The following ARHGAP15 variants were observed in gnomAD, a reference collection of about 807,000 sequenced individuals.
ARHGAP15 encodes the protein Rho GTPase activating protein 15, also known as rho GTPase-activating protein 15.
ARHGAP15 carries 51 observed loss-of-function variants against 63.7 expected under a neutral mutation model. The observed-to-expected ratio is 0.80, with a 90% CI of 0.64 to 1.01. The LOEUF (loss-of-function observed/expected upper bound fraction) is 1.01. Among genes scored for constraint, ARHGAP15 ranks in the 50% least tolerant of loss-of-function variants. The pLI, the probability that ARHGAP15 is intolerant of heterozygous loss-of-function variation, is 0.00. For missense variants in ARHGAP15, 560 were observed against 564.6 expected (o/e 0.99, Z 0.08); for synonymous variants, 191 against 193.8 (o/e 0.99, Z 0.12).
intron 6 of ARHGAP15, among the ~76,000 whole-genome samples, chr2:143,426,142 T>C (rs1340643212): frequency 3.9e-5 from 6 of 152,138 alleles, no homozygotes; most frequent in Non-Finnish European, 8.8e-5. Flanking sequence ...ACTAGTGTAG[T>C]ACAGAGGGGC....
chr2:143,260,745 C>A (rs989291312), intron 6 of ARHGAP15, among the ~76,000 whole-genome samples: 1 of 152,070 alleles, frequency 6.6e-6, no homozygotes, highest in African/African-American at 2.4e-5. Context: ...CCCTTTGTTA[C>A]TAGCTATTTC....
At chr2:143,188,052 G>A (rs1331663249) in intron 2 of ARHGAP15, among the ~76,000 whole-genome samples, 1 of 151,800 alleles carries the variant, frequency 6.6e-6, no homozygotes, top group Non-Finnish European at 1.5e-5. Context: ...TTGTTTTTTT[G>A]TTGTTTCTTT....
chr2:143,168,337 C>T (rs1690631060), intron 2 of ARHGAP15, among the ~76,000 whole-genome samples: 2 of 151,918 alleles, frequency 1.3e-5, no homozygotes, highest in Admixed American at 6.6e-5. Flanking sequence ...ACCATCAATC[C>T]TGGCTGTTTT....
intron 13 of ARHGAP15, among the ~76,000 whole-genome samples, chr2:143,730,583 C>T (rs543488107): frequency 2.0e-5 from 3 of 152,190 alleles, no homozygotes; most frequent in Non-Finnish European, 4.4e-5. Context: ...TCTCGAAACC[C>T]ACCAAATAAC....
chr2:143,709,996 C>T (rs1326601123), intron 13 of ARHGAP15, among the ~76,000 whole-genome samples: 6 of 152,176 alleles, frequency 3.9e-5, no homozygotes, highest in South Asian at 4.1e-4. Context: ...CTTTTGAGCA[C>T]GTTATGTTTT....
intron 1 of ARHGAP15, among the ~76,000 whole-genome samples, chr2:143,153,515 A>G (rs1689918605): frequency 6.6e-6 from 1 of 151,994 alleles, no homozygotes; most frequent in South Asian, 2.1e-4. Flanking sequence ...ACTTTTCTAT[A>G]AACATCTTCG....
chr2:143,739,226 C>G lies in ARHGAP15; in HGVS notation c.1245-28763C>G, dbSNP rs538550582. 3.9e-5 allele frequency among the ~76,000 whole-genome samples: 6 copies of G among 152,168 alleles called. No homozygotes were observed. The South Asian group carries it at 1.2e-3, about 32-fold the overall frequency. ...TTGGAAGACCAGAAAAAGACAGCAG[C>G]CTTAGAAGAAGATGATAGCAAAAAC... On this transcript the variant is annotated intron_variant, in intron 13 of 13. Coordinates refer to ENST00000295095, the MANE Select transcript of ARHGAP15 (RefSeq NM_018460.4).
intron 6 of ARHGAP15, among the ~76,000 whole-genome samples, chr2:143,319,420 C>A (rs1336584402): frequency 6.6e-6 from 1 of 151,990 alleles, no homozygotes; most frequent in Non-Finnish European, 1.5e-5. Context: ...TGAGGTTTCA[C>A]CATGTTAGCC....
At chr2:143,348,443 C>T (rs1685399176) in intron 6 of ARHGAP15, among the ~76,000 whole-genome samples, 1 of 151,922 alleles carries the variant, frequency 6.6e-6, no homozygotes, top group South Asian at 2.1e-4. Context: ...TGAAAAATTG[C>T]ACTTGCCTAT....
At chr2:143,129,972 A>C (rs774829613) in intron 1 of ARHGAP15, among the ~76,000 whole-genome samples, 1 of 152,180 alleles carries the variant, frequency 6.6e-6, no homozygotes, top group Non-Finnish European at 1.5e-5. Context: ...CTAATTAAAA[A>C]GCAAGGAGCT....
intron 12 of ARHGAP15, among the ~76,000 whole-genome samples, chr2:143,653,886 G>A (rs770450514): frequency 3.3e-5 from 5 of 152,186 alleles, no homozygotes; most frequent in Non-Finnish European, 7.3e-5. Flanking sequence ...ATGAATTAGT[G>A]TAGTCACTTC....
chr2:143,313,531 C>A (rs957455877), intron 6 of ARHGAP15, among the ~76,000 whole-genome samples: 2 of 152,118 alleles, frequency 1.3e-5, no homozygotes, highest in Non-Finnish European at 2.9e-5. Flanking sequence ...CAATTTCCCC[C>A]ATAAAAACCA....
At chr2:143,610,829 A>G (rs936172019) in intron 11 of ARHGAP15, among the ~76,000 whole-genome samples, 7 of 151,974 alleles carry the variant, frequency 4.6e-5, no homozygotes, top group African/African-American at 1.7e-4. Flanking sequence ...CCTGGATTCA[A>G]GCAATTCTCC....
chr2:143,252,150 A>G (rs1053082285), intron 6 of ARHGAP15, among the ~76,000 whole-genome samples: 5 of 152,180 alleles, frequency 3.3e-5, no homozygotes, highest in African/African-American at 1.2e-4. Context: ...AGCCTTTTTC[A>G]GTTTCTTCTG....
Position 143,435,433 on chromosome 2 carries a change from G to A in ARHGAP15, c.475-168G>A, listed in dbSNP as rs1040438683. On this transcript the variant is annotated intron_variant, in intron 6 of 13. Coordinates refer to ENST00000295095, the MANE Select transcript of ARHGAP15 (RefSeq NM_018460.4). ...TATGACGTGAAAAACAGTTTATAGA[G>A]AGCGGTTCAAAATGCTCCCAGTTCC... 8 of 1,231,654 alleles carry A rather than the reference G, an allele frequency of 6.5e-6. No homozygotes were observed. The African/African-American group carries it at 1.3e-4, about 19-fold the overall frequency. 76.3% of individuals were successfully genotyped at this position (1,231,654 alleles called of 1,614,324 possible).
intron 12 of ARHGAP15, among the ~76,000 whole-genome samples, chr2:143,682,521 T>TAC (rs1487483811): frequency 6.6e-6 from 1 of 152,144 alleles, no homozygotes; most frequent in Non-Finnish European, 1.5e-5. Context: ...TGCATGTGTA[T>TAC]ACACACACAT....
chr2:143,288,982 A>G (rs2105110369), intron 6 of ARHGAP15, among the ~76,000 whole-genome samples: 1 of 152,224 alleles, frequency 6.6e-6, no homozygotes, highest in South Asian at 2.1e-4. Context: ...ACCTTGCACA[A>G]AACAGCATCA....
At chr2:143,515,269 TAAA>T (rs1321353327) in intron 9 of ARHGAP15, among the ~76,000 whole-genome samples, 2 of 145,554 alleles carry the variant, frequency 1.4e-5, no homozygotes, top group Non-Finnish European at 3.0e-5. Context: ...ATCACTTTAC[TAAA>T]AAACCACAAT....
At chr2:143,184,649 A>C (rs1691368068) in intron 2 of ARHGAP15, among the ~76,000 whole-genome samples, 1 of 151,904 alleles carries the variant, frequency 6.6e-6, no homozygotes, top group Non-Finnish European at 1.5e-5. Flanking sequence ...AAAAACTAAA[A>C]ATAATCCCGC....
Sources: allele counts gnomAD v4.1 joint callset (sites outside exome capture counted in the v4.1 genomes callset), GRCh38; gene constraint gnomAD v4.1.1; transcripts MANE v1.5; gene names NCBI Gene and HGNC (gene_info 2026-07-23, HGNC 2026-07-21).